The following DYM variants were observed in gnomAD, a reference collection of about 807,000 sequenced individuals.
The protein encoded by DYM is dyggve-Melchior-Clausen syndrome protein.
DYM carries 78 observed loss-of-function variants against 93.1 expected under a neutral mutation model. The ratio of observed to expected loss-of-function variants is 0.84; its 90% CI spans 0.70 to 1.01. DYM has a LOEUF of 1.01. Ranked by LOEUF, DYM falls within the 50% of genes least tolerant of loss-of-function variation. DYM has a pLI of 0.00. For missense variants in DYM, 789 were observed against 845.0 expected (o/e 0.93, Z 0.82); for synonymous variants, 321 against 319.7 (o/e 1.00, Z -0.04).
intron 14 of DYM, among the ~76,000 whole-genome samples, chr18:49,177,973 A>G (rs2145413222): frequency 6.6e-6 from 1 of 152,292 alleles, no homozygotes; most frequent in Non-Finnish European, 1.5e-5. Flanking sequence ...TATTTACAGT[A>G]ACTTCATAAG....
chr18:49,256,516 T>C (rs9958889), intron 13 of DYM, among the ~76,000 whole-genome samples: 3,798 of 152,288 alleles, frequency 0.025, 149 homozygotes, highest in African/African-American at 0.085. Flanking sequence ...TTTAGCCTAG[T>C]GAGACCCACA....
chr18:49,272,210 C>CTTCCG lies in DYM; in HGVS notation c.1214_1218dup (p.Asp407ArgfsTer13). Reference sequence around the variant, plus strand: ...TGAATGGATCTGTTGAAGCCATCATCTTCCGTAAGGATCAACAATATTATA... The same window carrying CTTCCG: ...TGAATGGATCTGTTGAAGCCATCATCTTCCGTTCCGTAAGGATCAACAATATTATA... On this transcript the variant is annotated frameshift_variant, in exon 11 of 18. Coordinates refer to ENST00000675505, the MANE Select transcript of DYM (RefSeq NM_001353214.3). LOFTEE classifies it high-confidence loss of function. The CTTCCG allele has an allele frequency of 6.2e-7, 1 of 1,612,114 alleles. No homozygotes were observed. The highest frequency in any genetic ancestry group is 1.1e-5 in the South Asian group (1 of 91,022).
intron 1 of DYM, among the ~76,000 whole-genome samples, chr18:49,455,374 A>AT (rs1217783442): frequency 1.3e-5 from 2 of 152,196 alleles, no homozygotes; most frequent in African/African-American, 4.8e-5. Context: ...TCTAATTCTC[A>AT]TCTTTTTACA....
chr18:49,339,246 G>A (rs967287245), intron 6 of DYM, among the ~76,000 whole-genome samples: 1 of 152,186 alleles, frequency 6.6e-6, no homozygotes, highest in African/African-American at 2.4e-5. Flanking sequence ...ACACACACGC[G>A]TGCATGCGCA....
chr18:49,108,913 T>TA (rs2081133394), intron 16 of DYM, among the ~76,000 whole-genome samples: 2 of 152,382 alleles, frequency 1.3e-5, no homozygotes, highest in African/African-American at 4.8e-5. Flanking sequence ...TTTATGGTTG[T>TA]TACGTCTCCT....
chr18:49,216,104 G>A (rs956505742), intron 13 of DYM, among the ~76,000 whole-genome samples: 5 of 152,300 alleles, frequency 3.3e-5, no homozygotes, highest in African/African-American at 7.2e-5. Flanking sequence ...ATTATATCCC[G>A]CACCTGGCTC....
chr18:49,121,689 C>A (rs1282622365), intron 15 of DYM, among the ~76,000 whole-genome samples: 1 of 152,000 alleles, frequency 6.6e-6, no homozygotes, highest in African/African-American at 2.4e-5. Flanking sequence ...AACAAAAAAA[C>A]CCACACACAT....
chr18:49,235,243 C>T (rs1419954678), intron 13 of DYM, among the ~76,000 whole-genome samples: 1 of 152,208 alleles, frequency 6.6e-6, no homozygotes, highest in Non-Finnish European at 1.5e-5. Context: ...GCAGAGCCTC[C>T]TTATCAGTCT....
intron 11 of DYM, 83 bp downstream of exon 11, chr18:49,272,095 A>T: frequency 7.9e-7 from 1 of 1,268,600 alleles, no homozygotes; most frequent in Non-Finnish European, 1.1e-6. Flanking sequence ...TCTACCAGAA[A>T]GAAATGTAAA....
At chr18:49,426,953 T>C (rs2074356340) in intron 2 of DYM, among the ~76,000 whole-genome samples, 2 of 152,312 alleles carry the variant, frequency 1.3e-5, no homozygotes, top group South Asian at 4.1e-4. Flanking sequence ...GTAAGAACTA[T>C]ATTTTACATA....
Position 49,286,424 on chromosome 18 carries a change from T to A in DYM, c.946+10A>T. ...ATTACAAAGAATATTAGAGAAAAAATACCACAAACCTTGTGTGTTCTTGAA... is the reference window on the plus strand; with the variant it reads ...ATTACAAAGAATATTAGAGAAAAAAAACCACAAACCTTGTGTGTTCTTGAA... On this transcript the variant is annotated intron_variant, in intron 9 of 17. Transcript: ENST00000675505. 6.2e-7 allele frequency: 1 copy of A among 1,613,884 alleles called. No individual in the cohort carries two copies.
At chr18:49,183,772 T>C (rs1051658709) in intron 14 of DYM, among the ~76,000 whole-genome samples, 1 of 152,146 alleles carries the variant, frequency 6.6e-6, no homozygotes, top group African/African-American at 2.4e-5. Context: ...ATTTCCTATG[T>C]TGAAGCCCTA....
chr18:49,163,666 GA>G lies in DYM; in HGVS notation c.1728+18del, dbSNP rs1406754281. The G allele has an allele frequency of 2.6e-6, 4 of 1,565,670 alleles. No individual in the cohort carries two copies. The highest frequency in any genetic ancestry group is 3.5e-6 in the Non-Finnish European group (4 of 1,140,176). On this transcript the variant is annotated intron_variant, in intron 15 of 17. Coordinates refer to ENST00000675505, the MANE Select transcript of DYM (RefSeq NM_001353214.3). ...GCTGAAAGGAAAATTTTTTATTGAT[GA>G]ATAAGGTAACTACTTACATAATCTG... is the stretch of plus-strand genomic sequence containing the variant.
chr18:49,380,188 T>C (rs1263793173), intron 3 of DYM, among the ~76,000 whole-genome samples: 1 of 152,194 alleles, frequency 6.6e-6, no homozygotes, highest in Non-Finnish European at 1.5e-5. Context: ...ACAAATCATT[T>C]GAATGAAAAA....
intron 8 of DYM, among the ~76,000 whole-genome samples, chr18:49,311,229 C>G (rs1434764259): frequency 3.3e-5 from 5 of 152,154 alleles, no homozygotes; most frequent in African/African-American, 1.2e-4. Context: ...TGAGGATCAA[C>G]AGGCAGGCAA....
At chr18:49,134,547 T>C (rs2083656744) in intron 15 of DYM, among the ~76,000 whole-genome samples, 2 of 152,180 alleles carry the variant, frequency 1.3e-5, no homozygotes, top group Admixed American at 1.3e-4. Context: ...TATTTCTACA[T>C]GGAAATAAGT....
chr18:49,137,633 T>C (rs2083997133), intron 15 of DYM, among the ~76,000 whole-genome samples: 2 of 152,112 alleles, frequency 1.3e-5, no homozygotes, highest in South Asian at 4.1e-4. Flanking sequence ...GGATAAAGGG[T>C]GGCCATAATT....
At chr18:49,343,512 T>C (rs1026585149) in intron 6 of DYM, among the ~76,000 whole-genome samples, 1 of 152,318 alleles carries the variant, frequency 6.6e-6, no homozygotes, top group Middle Eastern at 3.4e-3. Context: ...TTTCTTTCAT[T>C]GCCCTTATCA....
chr18:49,427,301 C>T (rs183986779), intron 2 of DYM, among the ~76,000 whole-genome samples: 7 of 152,078 alleles, frequency 4.6e-5, no homozygotes, highest in Admixed American at 2.6e-4. Context: ...GAAGATGGAA[C>T]ATTCTACAGA....
Sources: gnomAD v4.1 joint callset for allele counts (sites outside exome capture counted in the v4.1 genomes callset) on GRCh38, gnomAD v4.1.1 for gene constraint, MANE v1.5 for transcripts, NCBI Gene and HGNC (gene_info 2026-07-23, HGNC 2026-07-21) for gene names.